NRG3: variants seen among roughly 807,000 people sequenced by gnomAD.
NRG3 encodes pro-neuregulin-3, membrane-bound isoform.
NRG3 carries 31 observed loss-of-function variants against 66.9 expected under a neutral mutation model. The observed-to-expected ratio is 0.46, with a 90% CI of 0.35 to 0.63. The LOEUF is 0.63. NRG3 is among the 20% of genes least tolerant of loss of function. The probability of loss-of-function intolerance (pLI) is 0.00; values close to 1 mark genes in which losing one functional copy is unlikely to be tolerated. For synonymous variants in NRG3, 393 were observed against 359.4 expected (o/e 1.09, Z -1.06); for missense variants, 910 against 878.9 (o/e 1.04, Z -0.45).
chr10:81,877,752 T>G lies in NRG3; in HGVS notation c.823+1589T>G. 6 of 1,351,246 alleles carry G rather than the reference T, an allele frequency of 4.4e-6. No homozygotes were observed. In the South Asian group the frequency reaches 1.2e-4, roughly 26 times the overall value. The allele number at this position is 1,351,246 out of a possible 1,614,324, so 83.7% of individuals were successfully genotyped here. On this transcript the variant is annotated intron_variant, in intron 1 of 8. Transcript: ENST00000372141. ...GGCAGTAGAGCCAGTAACTTGCTGC[T>G]TCTCTCTCCTTTGGCTGAAGCAGTC... is the stretch of plus-strand genomic sequence containing the variant.
intron 1 of NRG3, among the ~76,000 whole-genome samples, chr10:82,256,041 A>G (rs771422271): frequency 7.9e-5 from 12 of 152,056 alleles, no homozygotes; most frequent in Admixed American, 5.9e-4. Context: ...CTTCTGCCTC[A>G]GCCTCCCAAG....
rs185859418 is a variant in NRG3, at chr10:82,664,511, G to A, written c.954-74066G>A. Reference sequence around the variant, plus strand: ...GGTTTCATCCAGATTAATTATTGCCGGGAATGTGTCCCAAGCCCACTAGGC... The same window carrying A: ...GGTTTCATCCAGATTAATTATTGCCAGGAATGTGTCCCAAGCCCACTAGGC... On this transcript the variant is annotated intron_variant, in intron 2 of 8. Transcript: ENST00000372141. Among the ~76,000 whole-genome samples the A allele has an allele frequency of 5.5e-4, 83 of 152,176 alleles. No individual in the cohort carries two copies. In the East Asian group the frequency reaches 0.012, roughly 22 times the overall value.
chr10:82,085,186 A>T (rs2065644640), intron 1 of NRG3, among the ~76,000 whole-genome samples: 2 of 152,106 alleles, frequency 1.3e-5, no homozygotes, highest in African/African-American at 2.4e-5. Flanking sequence ...TCAAGATTTC[A>T]TAGGGCAAAT....
intron 1 of NRG3, among the ~76,000 whole-genome samples, chr10:82,290,361 GTA>G (rs918183815): frequency 9.2e-5 from 14 of 152,066 alleles, no homozygotes; most frequent in Non-Finnish European, 2.1e-4. Context: ...TTCACATTTT[GTA>G]TGTTTTAGTA....
intron 1 of NRG3, among the ~76,000 whole-genome samples, chr10:82,211,482 G>A (rs1027272680): frequency 1.3e-5 from 2 of 152,030 alleles, no homozygotes; most frequent in East Asian, 3.9e-4. Context: ...TACAGCTCTG[G>A]GGAGTCGAAA....
chr10:82,778,529 T>C (rs953185209), intron 3 of NRG3, among the ~76,000 whole-genome samples: 2 of 152,066 alleles, frequency 1.3e-5, no homozygotes, highest in South Asian at 2.1e-4. Flanking sequence ...CTCATTATCA[T>C]GAAAAAAGCA....
At chr10:82,044,569 T>A (rs906223688) in intron 1 of NRG3, among the ~76,000 whole-genome samples, 32 of 152,144 alleles carry the variant, frequency 2.1e-4, no homozygotes, top group African/African-American at 7.2e-4. Flanking sequence ...ATAATTTTTT[T>A]TAATTTTTAT....
chr10:82,448,384 A>G (rs1363564736), intron 2 of NRG3, among the ~76,000 whole-genome samples: 2 of 152,312 alleles, frequency 1.3e-5, no homozygotes, highest in East Asian at 3.9e-4. Flanking sequence ...AAAAATATGT[A>G]TTTTAAACAA....
chr10:82,265,603 TA>T (rs1472968312), intron 1 of NRG3, among the ~76,000 whole-genome samples: 1 of 152,196 alleles, frequency 6.6e-6, no homozygotes, highest in East Asian at 1.9e-4. Context: ...TTAATTAAGG[TA>T]AAATATAGGA....
At chr10:82,977,167 C>G (rs140811291) in intron 7 of NRG3, among the ~76,000 whole-genome samples, 2 of 152,018 alleles carry the variant, frequency 1.3e-5, no homozygotes, top group Admixed American at 1.3e-4. Flanking sequence ...CTTCAGGCCC[C>G]GCAGACCCCA....
chr10:82,205,519 A>G (rs931647643), intron 1 of NRG3, among the ~76,000 whole-genome samples: 4 of 152,318 alleles, frequency 2.6e-5, no homozygotes, highest in Admixed American at 6.5e-5. Context: ...ATGAATCAGG[A>G]CAATATCATC....
intron 1 of NRG3, among the ~76,000 whole-genome samples, chr10:81,963,436 G>A (rs963514511): frequency 2.6e-5 from 4 of 152,188 alleles, no homozygotes; most frequent in African/African-American, 7.2e-5. Context: ...CCCGGCCCAC[G>A]AGGGCTCTTT....
intron 2 of NRG3, among the ~76,000 whole-genome samples, chr10:82,675,641 G>A (rs908257409): frequency 4.6e-5 from 7 of 152,116 alleles, no homozygotes; most frequent in African/African-American, 1.4e-4. Context: ...TACAAAAGTG[G>A]TTGAGTTTTG....
At chr10:81,902,049 A>G (rs978650743) in intron 1 of NRG3, among the ~76,000 whole-genome samples, 3 of 152,158 alleles carry the variant, frequency 2.0e-5, no homozygotes, top group South Asian at 4.1e-4. Flanking sequence ...GTGTAATTGT[A>G]GTTACTGGGT....
At chr10:81,986,860 T>A (rs977735581) in intron 1 of NRG3, among the ~76,000 whole-genome samples, 1 of 152,090 alleles carries the variant, frequency 6.6e-6, no homozygotes, top group African/African-American at 2.4e-5. Context: ...TATTTTATAA[T>A]TTGTAGAGAC....
At chr10:82,754,415 A>G (rs142767176) in intron 3 of NRG3, among the ~76,000 whole-genome samples, 348 of 152,004 alleles carry the variant, frequency 2.3e-3, no homozygotes, top group African/African-American at 8.2e-3. Flanking sequence ...GTGATTACTA[A>G]TATATACTTA....
At chr10:81,942,427 T>C (rs1387949720) in intron 1 of NRG3, among the ~76,000 whole-genome samples, 1 of 152,170 alleles carries the variant, frequency 6.6e-6, no homozygotes, top group African/African-American at 2.4e-5. Context: ...TAAATAAACA[T>C]AAAGTTGTTT....
rs193153810 is a variant in NRG3, at chr10:82,885,175, C to T, written c.1054+19738C>T. On this transcript the variant is annotated intron_variant, in intron 4 of 8. Coordinates refer to ENST00000372141, the MANE Select transcript of NRG3 (RefSeq NM_001010848.4). Reference sequence around the variant, plus strand: ...CCCGTAACTACAACTTTTCTAAATACTCTTTCTTTTTTGGAAAATGTATGG... The same window carrying T: ...CCCGTAACTACAACTTTTCTAAATATTCTTTCTTTTTTGGAAAATGTATGG... Among the ~76,000 whole-genome samples, 69 of 152,298 alleles carry T rather than the reference C, an allele frequency of 4.5e-4. No individual in the cohort carries two copies. In the East Asian group the frequency reaches 0.012, roughly 27 times the overall value.
intron 1 of NRG3, among the ~76,000 whole-genome samples, chr10:82,349,397 C>A (rs1296808813): frequency 6.7e-6 from 1 of 149,920 alleles, no homozygotes; most frequent in African/African-American, 2.5e-5. Context: ...GGTCAGGGAC[C>A]CACTTGAGGA....
Sources: gnomAD v4.1 joint callset for allele counts (sites outside exome capture counted in the v4.1 genomes callset) on GRCh38, gnomAD v4.1.1 for gene constraint, MANE v1.5 for transcripts, NCBI Gene and HGNC (gene_info 2026-07-23, HGNC 2026-07-21) for gene names.